EYS: variants seen among roughly 807,000 people sequenced by gnomAD.
EYS encodes the protein protein eyes shut homolog.
A neutral mutation model predicts 282.1 loss-of-function variants in EYS; 250 were observed. The observed-to-expected ratio is 0.89, with a 90% CI of 0.80 to 0.98. EYS has a LOEUF of 0.98. Ranked by LOEUF, EYS falls within the 50% of genes least tolerant of loss-of-function variation. The pLI is 0.00. For synonymous variants in EYS, 1,355 were observed against 1,282.9 expected, an observed-to-expected ratio of 1.06 and a Z score of -1.20; for missense variants, 4,016 against 3,709.0, an observed-to-expected ratio of 1.08 and a Z score of -2.15.
At chr6:63,999,968 T>G (rs1191070852) in intron 33 of EYS, among the ~76,000 whole-genome samples, 1 of 152,120 alleles carries the variant, frequency 6.6e-6, no homozygotes, top group East Asian at 1.9e-4. Flanking sequence ...TAAAGTTTAT[T>G]TCGTAGGGAC....
chr6:64,193,418 C>A (rs1765178557), intron 31 of EYS, among the ~76,000 whole-genome samples: 1 of 151,894 alleles, frequency 6.6e-6, no homozygotes, highest in Non-Finnish European at 1.5e-5. Context: ...TCATGTCATT[C>A]TCCTGCCTCA....
chr6:64,920,483 G>GTAT lies in EYS; in HGVS notation c.2382-7743_2382-7741dup, dbSNP rs1236186409. ...GATGAATCAGTTTCTGAGCAAGTAA[G>GTAT]TATTACTTCTGGCTCCTGTTTTTTT... is the stretch of plus-strand genomic sequence containing the variant. On this transcript the variant is annotated intron_variant, in intron 15 of 42. Transcript: ENST00000503581. 1.4e-4 allele frequency among the ~76,000 whole-genome samples: 21 copies of GTAT among 152,194 alleles called. 2 individuals are homozygous for GTAT. Among genetic ancestry groups the GTAT allele is most frequent in the African/African-American group, 4.8e-4 (20 of 41,560 alleles).
At chr6:64,452,544 T>C (rs1297553482) in intron 26 of EYS, among the ~76,000 whole-genome samples, 3 of 152,174 alleles carry the variant, frequency 2.0e-5, no homozygotes, top group African/African-American at 4.8e-5. Flanking sequence ...AGAGCCCGCA[T>C]TGCCAAGTCA....
chr6:64,511,946 G>C (rs546840049), intron 26 of EYS, among the ~76,000 whole-genome samples: 1 of 152,116 alleles, frequency 6.6e-6, no homozygotes, highest in East Asian at 1.9e-4. Context: ...AGACTCATGG[G>C]AATGGCAGTA....
chr6:64,554,334 G>T (rs1218623864), intron 26 of EYS, among the ~76,000 whole-genome samples: 2 of 151,942 alleles, frequency 1.3e-5, no homozygotes, highest in Non-Finnish European at 2.9e-5. Context: ...ATTCCAATTT[G>T]TTTCATTTTC....
At chr6:64,393,359 G>A (rs552456097) in intron 28 of EYS, among the ~76,000 whole-genome samples, 7 of 152,206 alleles carry the variant, frequency 4.6e-5, no homozygotes, top group Non-Finnish European at 1.0e-4. Flanking sequence ...TATCCTTGAT[G>A]AACATTGATG....
intron 19 of EYS, among the ~76,000 whole-genome samples, chr6:64,824,123 A>G (rs897719654): frequency 2.0e-5 from 3 of 151,882 alleles, no homozygotes; most frequent in Admixed American, 1.3e-4. Context: ...TTAATGAAGC[A>G]TACTCTACCT....
chr6:63,762,188 G>T (rs1769659959), intron 41 of EYS, among the ~76,000 whole-genome samples: 1 of 151,372 alleles, frequency 6.6e-6, no homozygotes, highest in Non-Finnish European at 1.5e-5. Context: ...TGACTTAACT[G>T]CATTTAGCAC....
At chr6:64,085,784 CAA>C (rs956160168) in intron 31 of EYS, among the ~76,000 whole-genome samples, 84 of 152,222 alleles carry the variant, frequency 5.5e-4, no homozygotes, top group African/African-American at 2.0e-3. Flanking sequence ...TATGGTATCA[CAA>C]AAGTTACCGT....
chr6:64,541,659 T>C (rs1446229114), intron 26 of EYS, among the ~76,000 whole-genome samples: 1 of 152,240 alleles, frequency 6.6e-6, no homozygotes, highest in Non-Finnish European at 1.5e-5. Flanking sequence ...GCCATTCACC[T>C]TCCTAATCCA....
chr6:64,136,950 T>C (rs982602173), intron 31 of EYS, among the ~76,000 whole-genome samples: 1 of 152,208 alleles, frequency 6.6e-6, no homozygotes, highest in Admixed American at 6.5e-5. Context: ...TTAATTTCTT[T>C]GTAGCTATGA....
At chr6:64,035,422 A>G (rs1770068253) in intron 33 of EYS, among the ~76,000 whole-genome samples, 1 of 152,234 alleles carries the variant, frequency 6.6e-6, no homozygotes, top group Admixed American at 6.5e-5. Context: ...GAAAGAAACT[A>G]GGTAGGGCAG....
At chr6:64,704,478 T>A (rs866473899) in intron 22 of EYS, among the ~76,000 whole-genome samples, 3 of 131,922 alleles carry the variant, frequency 2.3e-5, no homozygotes, top group East Asian at 5.2e-4. Context: ...TACTTATAAT[T>A]ATATTATAAT....
At chr6:63,944,065 C>T (rs1006728088) in intron 35 of EYS, among the ~76,000 whole-genome samples, 1 of 152,060 alleles carries the variant, frequency 6.6e-6, no homozygotes, top group Non-Finnish European at 1.5e-5. Flanking sequence ...AGATGCAGAG[C>T]GCAGGACCTG....
chr6:64,703,402 CACACACACAT>C lies in EYS; in HGVS notation c.3444-77167_3444-77158del, dbSNP rs1770859266. 9.7e-5 allele frequency among the ~76,000 whole-genome samples: 3 copies of C among 30,920 alleles called. No individual in the cohort carries two copies. In the South Asian group the frequency reaches 3.8e-3, roughly 40 times the overall value. 20.3% of individuals were successfully genotyped at this position (30,920 alleles called of 152,430 possible). On this transcript the variant is annotated intron_variant, in intron 22 of 42. Coordinates refer to ENST00000503581, the MANE Select transcript of EYS (RefSeq NM_001142800.2). Reference sequence around the variant, plus strand: ...ACACAGACACACACACACACACACACACACACACATATATATATATATATATATTTTTTTT... The same window carrying C: ...ACACAGACACACACACACACACACACATATATATATATATATATTTTTTTT...
In EYS at chr6:65,680,261, G is replaced by C. The variant is rs1296774736; in HGVS notation, c.-448+26874C>G. On this transcript the variant is annotated intron_variant, in intron 1 of 42. Transcript: ENST00000503581. Reference sequence around the variant, plus strand: ...ATAATCCATACTAATTTCAGATCTAGAAAATTAAGTAAAACTATTCAAAGT... The same window carrying C: ...ATAATCCATACTAATTTCAGATCTACAAAATTAAGTAAAACTATTCAAAGT... Among the ~76,000 whole-genome samples the C allele has an allele frequency of 2.0e-5, 3 of 151,740 alleles. No homozygotes were observed. In the East Asian group the frequency reaches 5.8e-4, roughly 29 times the overall value.
At chr6:64,111,517 A>C (rs1773204060) in intron 31 of EYS, among the ~76,000 whole-genome samples, 1 of 152,088 alleles carries the variant, frequency 6.6e-6, no homozygotes, top group African/African-American at 2.4e-5. Context: ...TTCTCAGAAA[A>C]GTAGGACACA....
At chr6:65,662,791 G>A (rs889328423) in intron 1 of EYS, among the ~76,000 whole-genome samples, 2 of 152,064 alleles carry the variant, frequency 1.3e-5, no homozygotes, top group African/African-American at 4.8e-5. Flanking sequence ...CAGTACTATA[G>A]AGAAAAAATA....
At position 64,715,160 on chromosome 6, in the gene EYS, A is replaced by G. The variant is rs530442761; in HGVS notation, c.3444-88915T>C. 2.6e-5 allele frequency among the ~76,000 whole-genome samples: 4 copies of G among 152,206 alleles called. No homozygotes were observed. The South Asian group carries it at 6.2e-4, about 24-fold the overall frequency. On this transcript the variant is annotated intron_variant, in intron 22 of 42. Coordinates refer to ENST00000503581, the MANE Select transcript of EYS (RefSeq NM_001142800.2). ...CATGTACTTTATTTCTATTACAATT[A>G]CATTGTAATATTTAATGAAATAATT...
Sources: gnomAD v4.1 joint callset for allele counts (sites outside exome capture counted in the v4.1 genomes callset) on GRCh38, gnomAD v4.1.1 for gene constraint, MANE v1.5 for transcripts, NCBI Gene and HGNC (gene_info 2026-07-23, HGNC 2026-07-21) for gene names.